Variants in ARMH1 observed in about 807,000 individuals in gnomAD.
ARMH1 encodes armadillo-like helical domain containing protein 1.
ARMH1 carries 34 observed loss-of-function variants against 50.2 expected under a neutral mutation model. That is an observed-to-expected ratio of 0.68 (90% confidence interval 0.51 to 0.90). The LOEUF is 0.90. ARMH1 is among the 40% of genes least tolerant of loss of function. The pLI, the probability that ARMH1 is intolerant of heterozygous loss-of-function variation, is 0.00. For synonymous variants in ARMH1, 221 were observed against 224.2 expected, an observed-to-expected ratio of 0.99 and a Z score of 0.13; for missense variants, 538 against 553.9, an observed-to-expected ratio of 0.97 and a Z score of 0.29.
At chr1:44,690,663 C>T (rs1484157988) in intron 2 of ARMH1, among the ~76,000 whole-genome samples, 2 of 152,106 alleles carry the variant, frequency 1.3e-5, no homozygotes, top group African/African-American at 4.8e-5. Flanking sequence ...TTCTGCCCTT[C>T]ATGGTGAAGC....
At position 44,724,858 on chromosome 1, in the gene ARMH1, C is replaced by T. The variant is rs768076632; in HGVS notation, c.1128+19C>T. The stretch of plus-strand genomic sequence containing the variant: ...CTTCCTGGTAAGTGCGCCCTTCCTG[C>T]CCCGCCGCAATGAGCAGATGGCGGC... On this transcript the variant is annotated intron_variant, in intron 10 of 11. Coordinates refer to ENST00000535358, the MANE Select transcript of ARMH1 (RefSeq NM_001145636.2). This position sits in a 1 kb window ranked among gnomAD's most constrained non-coding sequence, Gnocchi z 6.4. 56 of 1,534,322 alleles carry T rather than the reference C, an allele frequency of 3.6e-5. No homozygotes were observed. The highest frequency in any genetic ancestry group is 2.8e-4 in the Admixed American group (14 of 50,338).
intron 4 of ARMH1, 107 bp downstream of exon 4, chr1:44,698,336 G>GAGCACAAA: frequency 9.8e-7 from 1 of 1,023,928 alleles, no homozygotes; most frequent in Non-Finnish European, 1.3e-6. Flanking sequence ...GGTTGAACAG[G>GAGCACAAA]AAGCTTTTTG....
chr1:44,679,645 C>T (rs552904920), intron 1 of ARMH1, among the ~76,000 whole-genome samples: 1 of 152,354 alleles, frequency 6.6e-6, no homozygotes, highest in East Asian at 1.9e-4. Context: ...GCTGACATTG[C>T]TGTTTCCTGT....
chr1:44,723,181 CATTCAATCCTTGCCG>C (rs1647646146), intron 6 of ARMH1, among the ~76,000 whole-genome samples: 1 of 152,138 alleles, frequency 6.6e-6, no homozygotes, highest in Non-Finnish European at 1.5e-5. Context: ...TTTACAAAAA[CATTCAATCCTTGCCG>C]ATTTTCTCTT....
chr1:44,689,358 C>T lies in ARMH1; in HGVS notation c.-22-318C>T, dbSNP rs116466037. ...AATTATAGGCATGAGTCACCACGCC[C>T]GGCCTTGGCAAGCACTTTTATCTCA... On this transcript the variant is annotated intron_variant, in intron 1 of 11. Coordinates refer to ENST00000535358, the MANE Select transcript of ARMH1 (RefSeq NM_001145636.2). The T allele has an allele frequency of 5.3e-3, 1,476 of 276,234 alleles. 25 individuals carry two copies. Among genetic ancestry groups the T allele is most frequent in the African/African-American group, 0.03 (1,347 of 44,588 alleles). The allele number at this position is 276,234 out of a possible 1,614,324, so 17.1% of individuals were successfully genotyped here. A position where few individuals can be genotyped will look rare whatever the true frequency, so the allele number is the denominator to read the frequency against.
intron 6 of ARMH1, among the ~76,000 whole-genome samples, chr1:44,705,634 A>G (rs1461075114): frequency 6.6e-6 from 1 of 152,230 alleles, no homozygotes; most frequent in Non-Finnish European, 1.5e-5. Flanking sequence ...ACAACAATAA[A>G]GCACAGAGAG....
chr1:44,690,015 C>T (rs1354786090), intron 2 of ARMH1, 112 bp downstream of exon 2: 10 of 869,134 alleles, frequency 1.2e-5, no homozygotes, highest in East Asian at 1.1e-4. Context: ...GTCAGGAGTT[C>T]GAGACCAGCC....
At chr1:44,692,943 A>C (rs943165529) in intron 2 of ARMH1, 12 of 152,232 alleles carry the variant, frequency 7.9e-5, no homozygotes, top group Admixed American at 2.6e-4. Context: ...GGGTCTTGCT[A>C]TGTTGCCCAA....
At chr1:44,676,586 A>G (rs1014836176) in intron 1 of ARMH1, among the ~76,000 whole-genome samples, 3 of 152,240 alleles carry the variant, frequency 2.0e-5, no homozygotes, top group Admixed American at 2.0e-4. Context: ...AAGCCAAGGA[A>G]GGAAAGTGTT....
At position 44,682,661 on chromosome 1, in the gene ARMH1, C is replaced by G. The variant is rs1645349134; in HGVS notation, c.-22-7015C>G. On this transcript the variant is annotated intron_variant, in intron 1 of 11. Coordinates refer to ENST00000535358, the MANE Select transcript of ARMH1 (RefSeq NM_001145636.2). This position sits in a 1 kb window ranked among gnomAD's most constrained non-coding sequence, Gnocchi z 4.5. ...CACATCAAAGCCTGGCCTGGTGGCT[C>G]ACACCTGTAATCCCAGTACTTTGGG... is the stretch of plus-strand genomic sequence containing the variant. 6.6e-6 allele frequency among the ~76,000 whole-genome samples: 1 copy of G among 152,174 alleles called. No individual in the cohort carries two copies. Among genetic ancestry groups the G allele is most frequent in the African/African-American group, 2.4e-5 (1 of 41,444 alleles).
intron 1 of ARMH1, among the ~76,000 whole-genome samples, chr1:44,679,630 C>T (rs1490799614): frequency 6.6e-6 from 1 of 152,254 alleles, no homozygotes; most frequent in Non-Finnish European, 1.5e-5. Context: ...AAAGATGACA[C>T]CGCTGCTGAC....
At chr1:44,692,421 T>C (rs1179052293) in intron 2 of ARMH1, among the ~76,000 whole-genome samples, 1 of 152,062 alleles carries the variant, frequency 6.6e-6, no homozygotes, top group East Asian at 1.9e-4. Context: ...AATCATAACA[T>C]TTTATTGTTA....
rs182192680 is a variant in ARMH1, at chr1:44,695,879, A to T, written c.207-1223A>T. Among the ~76,000 whole-genome samples, 4 of 152,014 alleles carry T rather than the reference A, an allele frequency of 2.6e-5. No homozygotes were observed. In the East Asian group the frequency reaches 7.7e-4, roughly 29 times the overall value. ...AGGATTGCTTGAGCCCAGGAGTTCAAGCCTACAGTGAGCTGTGATTGCACC... is the reference window on the plus strand; with the variant it reads ...AGGATTGCTTGAGCCCAGGAGTTCATGCCTACAGTGAGCTGTGATTGCACC... On this transcript the variant is annotated intron_variant, in intron 2 of 11. Transcript: ENST00000535358.
intron 6 of ARMH1, among the ~76,000 whole-genome samples, chr1:44,705,462 C>T (rs1573405424): frequency 1.3e-5 from 2 of 151,936 alleles, no homozygotes; most frequent in Middle Eastern, 6.8e-3. Flanking sequence ...CACTGCACTC[C>T]AGCCTGGGTG....
At chr1:44,717,250 G>A (rs1248522973) in intron 6 of ARMH1, among the ~76,000 whole-genome samples, 1 of 152,220 alleles carries the variant, frequency 6.6e-6, no homozygotes, top group Non-Finnish European at 1.5e-5. Flanking sequence ...AATGCCTGCT[G>A]TATCGGGTTG....
rs1230084212 is a variant in ARMH1 at position 44,684,082 on chromosome 1, AGTTT to A, written c.-22-5593_-22-5590del. Among the ~76,000 whole-genome samples the A allele has an allele frequency of 8.6e-4, 131 of 152,238 alleles. 1 individual carries two copies. Among genetic ancestry groups the A allele is most frequent in the Admixed American group, 1.7e-3 (26 of 15,282 alleles). On this transcript the variant is annotated intron_variant, in intron 1 of 11. Transcript: ENST00000535358. ...TCTTAATCAACACTCAAAAAATGTC[AGTTT>A]CTTCTCCCTGCCTTCATTCCTTCTG... is the stretch of plus-strand genomic sequence containing the variant.
In ARMH1 at chr1:44,724,836, C is replaced by T; in HGVS notation, c.1125C>T (p.Phe375=). 1 of 1,538,952 alleles carries T rather than the reference C, an allele frequency of 6.5e-7. No individual in the cohort carries two copies. Among genetic ancestry groups the T allele is most frequent in the Non-Finnish European group, 8.7e-7 (1 of 1,145,590 alleles). Residue 375 remains phenylalanine (F), a synonymous_variant, in exon 10 of 12, where the codon TTC becomes TTT. Coordinates refer to ENST00000535358, the MANE Select transcript of ARMH1 (RefSeq NM_001145636.2). This position sits in a 1 kb window ranked among gnomAD's most constrained non-coding sequence, Gnocchi z 6.4. ...KCMGEELYQL[F]LSNAEDLYMK... is the part of the protein sequence containing the mutation. ...TGGGGGAGGAACTCTACCAGCTCTT[C>T]CTGGTAAGTGCGCCCTTCCTGCCCC...
At chr1:44,688,882 C>T (rs769079619) in intron 1 of ARMH1, among the ~76,000 whole-genome samples, 5 of 152,034 alleles carry the variant, frequency 3.3e-5, no homozygotes, top group Non-Finnish European at 7.4e-5. Context: ...TTCCCACTAA[C>T]TTTTTTTTAA....
intron 1 of ARMH1, among the ~76,000 whole-genome samples, chr1:44,676,319 G>A (rs1016386963): frequency 6.6e-5 from 10 of 152,304 alleles, no homozygotes; most frequent in Admixed American, 6.5e-5. Flanking sequence ...CATTGGATAT[G>A]CCTAACTGGA....
Sources: allele counts gnomAD v4.1 joint callset (sites outside exome capture counted in the v4.1 genomes callset), GRCh38; gene constraint gnomAD v4.1.1; non-coding constraint Gnocchi (gnomAD v3.1); transcripts MANE v1.5; gene names NCBI Gene and HGNC (gene_info 2026-07-23, HGNC 2026-07-21).